The following DAB1 variants were observed in gnomAD, a reference collection of about 807,000 sequenced individuals.
The protein encoded by DAB1 is DAB adaptor protein 1.
Under a neutral mutation model 64.6 loss-of-function variants are expected in DAB1, and 15 were observed. That is an observed-to-expected ratio of 0.23 (90% confidence interval 0.16 to 0.36). The LOEUF (loss-of-function observed/expected upper bound fraction) is 0.36. Among genes scored for constraint, DAB1 ranks in the 10% least tolerant of loss-of-function variants. The probability of loss-of-function intolerance (pLI) is 1.00; values close to 1 mark genes in which losing one functional copy is unlikely to be tolerated. For synonymous variants in DAB1, 235 were observed against 251.9 expected (o/e 0.93, Z 0.64); for missense variants, 596 against 706.7 (o/e 0.84, Z 1.78).
At chr1:57,001,030 G>A (rs1332232225) in intron 14 of DAB1, among the ~76,000 whole-genome samples, 1 of 152,188 alleles carries the variant, frequency 6.6e-6, no homozygotes, top group African/African-American at 2.4e-5. Context: ...CACTAATGAA[G>A]GGGAGCAGTG....
At chr1:57,848,920 C>T (rs964887106) in intron 1 of DAB1, among the ~76,000 whole-genome samples, 2 of 152,142 alleles carry the variant, frequency 1.3e-5, no homozygotes, top group South Asian at 4.1e-4. Context: ...GGATGTAATC[C>T]TCACATCTGA....
At chr1:57,378,243 G>T (rs545767823) in intron 1 of DAB1, among the ~76,000 whole-genome samples, 3 of 152,262 alleles carry the variant, frequency 2.0e-5, no homozygotes, top group African/African-American at 7.2e-5. Context: ...TTTGCCAAAG[G>T]GGCACTGTCT....
intron 4 of DAB1, among the ~76,000 whole-genome samples, chr1:58,336,545 T>C (rs1663121035): frequency 6.6e-6 from 1 of 152,196 alleles, no homozygotes; most frequent in African/African-American, 2.4e-5. Context: ...CATTTTGCAA[T>C]GAGAAAATCA....
chr1:57,153,332 A>G (rs1659878535), intron 2 of DAB1, among the ~76,000 whole-genome samples: 1 of 152,008 alleles, frequency 6.6e-6, no homozygotes, highest in Admixed American at 6.6e-5. Flanking sequence ...AGCCCCATAT[A>G]GTATTATTAA....
At chr1:57,143,526 T>G (rs1260667214) in intron 3 of DAB1, among the ~76,000 whole-genome samples, 1 of 152,196 alleles carries the variant, frequency 6.6e-6, no homozygotes, top group Non-Finnish European at 1.5e-5. Flanking sequence ...TCTAGTATAC[T>G]TTATAGTAAA....
intron 7 of DAB1, among the ~76,000 whole-genome samples, chr1:57,557,325 G>A (rs917193699): frequency 2.0e-5 from 3 of 152,012 alleles, no homozygotes; most frequent in African/African-American, 4.8e-5. Context: ...TTTGGAACTC[G>A]GACTGGCTCT....
chr1:57,696,645 T>G (rs1475031718), intron 6 of DAB1, among the ~76,000 whole-genome samples: 3 of 152,132 alleles, frequency 2.0e-5, no homozygotes, highest in Non-Finnish European at 4.4e-5. Context: ...TCAGTTGGTA[T>G]TTGTCTAATT....
intron 5 of DAB1, among the ~76,000 whole-genome samples, chr1:57,920,186 C>T (rs982619503): frequency 7.2e-5 from 11 of 152,106 alleles, no homozygotes; most frequent in African/African-American, 2.7e-4. Flanking sequence ...TTAGTCTGAC[C>T]CCCACTCTGG....
At chr1:57,570,586 A>G (rs769554393) in intron 7 of DAB1, among the ~76,000 whole-genome samples, 3 of 152,138 alleles carry the variant, frequency 2.0e-5, no homozygotes, top group Non-Finnish European at 2.9e-5. Context: ...GCCTTACAGT[A>G]TAGTTTGAAG....
chr1:57,066,018 A>C (rs1310035288), intron 8 of DAB1, among the ~76,000 whole-genome samples: 1 of 152,262 alleles, frequency 6.6e-6, no homozygotes, highest in Non-Finnish European at 1.5e-5. Flanking sequence ...CTATACATAC[A>C]GAAGACACTT....
chr1:57,282,204 A>AC (rs1671967213), intron 2 of DAB1, among the ~76,000 whole-genome samples: 2 of 99,152 alleles, frequency 2.0e-5, no homozygotes, highest in African/African-American at 7.6e-5. Flanking sequence ...AAAAAAAAAA[A>AC]AAAAAAAACA....
At chr1:57,047,337 C>T (rs1412249682) in intron 9 of DAB1, among the ~76,000 whole-genome samples, 2 of 152,130 alleles carry the variant, frequency 1.3e-5, no homozygotes, top group Non-Finnish European at 2.9e-5. Flanking sequence ...TTGGGTCCCT[C>T]CCAAAATTCG....
At chr1:58,276,388 A>G (rs1285901240) in intron 4 of DAB1, among the ~76,000 whole-genome samples, 1 of 152,204 alleles carries the variant, frequency 6.6e-6, no homozygotes, top group Non-Finnish European at 1.5e-5. Context: ...TCTGTTCCTA[A>G]AAGAGTGCTT....
rs141893131 is a variant in DAB1 at position 57,062,889 on chromosome 1, C to T, written c.718G>A (p.Val240Ile). 2 of 1,613,792 alleles carry T rather than the reference C, an allele frequency of 1.2e-6. No homozygotes were observed. The highest frequency in any genetic ancestry group is 1.7e-6 in the Non-Finnish European group (2 of 1,179,778). The stretch of plus-strand genomic sequence containing the variant: ...TGGAGAGGAGATGTACTTACACTTA[C>T]AGGTTGACTTTTTGGCACATCATAA... ...GVYDVPKSQP[V>I]SAVTQLELFG... Residue 240 changes from valine (V) to isoleucine (I), a missense_variant, in exon 9 of 15, where the codon GTA (valine) becomes ATA (isoleucine). Coordinates refer to ENST00000371236, the MANE Select transcript of DAB1 (RefSeq NM_001365792.1).
chr1:57,304,173 G>A (rs1436545411), intron 1 of DAB1, among the ~76,000 whole-genome samples: 1 of 152,162 alleles, frequency 6.6e-6, no homozygotes, highest in African/African-American at 2.4e-5. Context: ...GCAGGAGCAG[G>A]CACTTCACGT....
intron 3 of DAB1, among the ~76,000 whole-genome samples, chr1:57,144,548 G>C (rs1013717299): frequency 7.2e-5 from 11 of 152,066 alleles, no homozygotes; most frequent in African/African-American, 2.7e-4. Flanking sequence ...ACAAAAATTA[G>C]CCAGGCCTGG....
At chr1:57,752,056 C>A (rs1258955579) in intron 6 of DAB1, among the ~76,000 whole-genome samples, 2 of 152,158 alleles carry the variant, frequency 1.3e-5, no homozygotes, top group Admixed American at 6.5e-5. Flanking sequence ...GGTCACACTG[C>A]CAATTCCCCC....
rs185016233 is a variant in DAB1, at chr1:57,118,916, T to C, written c.306+17627A>G. Among the ~76,000 whole-genome samples, 237 of 152,300 alleles carry C rather than the reference T, an allele frequency of 1.6e-3. 1 individual carries two copies. The highest frequency in any genetic ancestry group is 5.4e-3 in the African/African-American group (224 of 41,564). ...GGCTAGAAATAGCTCGCATTTATGA[T>C]GATAGAACAGCAGTATAGACAGGTA... is the stretch of plus-strand genomic sequence containing the variant. On this transcript the variant is annotated intron_variant, in intron 4 of 14. Coordinates refer to ENST00000371236, the MANE Select transcript of DAB1 (RefSeq NM_001365792.1).
intron 4 of DAB1, among the ~76,000 whole-genome samples, chr1:58,193,119 G>T (rs1428141484): frequency 6.6e-6 from 1 of 152,182 alleles, no homozygotes; most frequent in Non-Finnish European, 1.5e-5. Context: ...TAATGGGAGG[G>T]TATTTGGGTC....
Sources: allele counts gnomAD v4.1 joint callset (sites outside exome capture counted in the v4.1 genomes callset), GRCh38; gene constraint gnomAD v4.1.1; transcripts MANE v1.5; gene names NCBI Gene and HGNC (gene_info 2026-07-23, HGNC 2026-07-21).